The following OPA1 variants were observed in gnomAD, a reference collection of about 807,000 sequenced individuals.
OPA1 encodes the protein OPA1 mitochondrial dynamin like GTPase.
OPA1 carries 59 observed loss-of-function variants against 152.9 expected under a neutral mutation model. The observed-to-expected ratio is 0.39, with a 90% CI of 0.31 to 0.48. The LOEUF is 0.48. Among genes scored for constraint, OPA1 ranks in the 20% least tolerant of loss-of-function variants. The probability of loss-of-function intolerance (pLI) is 0.96; values close to 1 mark genes in which losing one functional copy is unlikely to be tolerated. For synonymous variants in OPA1, 400 were observed against 389.9 expected (o/e 1.03, Z -0.31); for missense variants, 1,008 against 1,216.8 (o/e 0.83, Z 2.55).
At chr3:193,614,702 C>G (rs776455396) in intron 1 of OPA1, 21 bp from the exon 2 acceptor site, 1 of 1,569,444 alleles carries the variant, frequency 6.4e-7, no homozygotes, top group Non-Finnish European at 8.8e-7. Context: ...GATCTTTCTT[C>G]CATATTCATT....
intron 21 of OPA1, among the ~76,000 whole-genome samples, chr3:193,650,721 A>G: frequency 6.6e-6 from 1 of 152,188 alleles, no homozygotes; most frequent in East Asian, 1.9e-4. Context: ...GACATATAAT[A>G]CATTATAGTA....
At chr3:193,655,163 A>G (rs1377171289) in intron 22 of OPA1, 136 bp downstream of exon 22, 2 of 811,904 alleles carry the variant, frequency 2.5e-6, no homozygotes, top group African/African-American at 1.7e-5. Flanking sequence ...TTTATTCCTC[A>G]TCTCTGTTTT....
intron 25 of OPA1, 148 bp from the exon 26 acceptor site, chr3:193,662,674 G>GT (rs747848538): frequency 4.3e-6 from 3 of 703,044 alleles, no homozygotes. Context: ...GGGGTGCTGT[G>GT]TTCTTTCTTG....
intron 4 of OPA1, among the ~76,000 whole-genome samples, 176 bp downstream of exon 4, chr3:193,617,461 G>A (rs1729218742): frequency 6.6e-6 from 1 of 152,130 alleles, no homozygotes; most frequent in Admixed American, 6.5e-5. Flanking sequence ...TTTAATCTTT[G>A]TGTAGCCCAG....
In OPA1 at chr3:193,687,351, A is replaced by T. The variant is rs112218028; in HGVS notation, c.2984-4712A>T. 1.8e-3 allele frequency among the ~76,000 whole-genome samples: 270 copies of T among 152,350 alleles called. 1 individual carries two copies. The highest frequency in any genetic ancestry group is 0.011 in the South Asian group (55 of 4,828). Reference sequence around the variant, plus strand: ...TTTTAAGTAAACATTGGATAAATGGAAAGTAGACTCAGTATTCACTACACG... The same window carrying T: ...TTTTAAGTAAACATTGGATAAATGGTAAGTAGACTCAGTATTCACTACACG... On this transcript the variant is annotated intron_variant, in intron 29 of 30. Transcript: ENST00000361510.
At chr3:193,624,142 A>C (rs1440763311) in intron 6 of OPA1, 3 of 152,444 alleles carry the variant, frequency 2.0e-5, no homozygotes, top group Non-Finnish European at 4.4e-5. Flanking sequence ...AAGCTGTAAA[A>C]AAAAGCATTG....
intron 8 of OPA1, among the ~76,000 whole-genome samples, chr3:193,633,806 A>G (rs1176309477): frequency 6.6e-6 from 1 of 152,240 alleles, no homozygotes. Flanking sequence ...CTTGATAACT[A>G]CATGTGGCTA....
chr3:193,662,732 A>C (rs1459772793), intron 25 of OPA1, 90 bp from the exon 26 acceptor site: 1 of 1,017,708 alleles, frequency 9.8e-7, no homozygotes, highest in East Asian at 2.6e-5. Context: ...TCTTTTATGC[A>C]ATAGTAATGT....
At chr3:193,598,756 A>G (rs1351588922) in intron 1 of OPA1, among the ~76,000 whole-genome samples, 3 of 152,232 alleles carry the variant, frequency 2.0e-5, no homozygotes, top group African/African-American at 4.8e-5. Flanking sequence ...TACAGCTATT[A>G]TGCCATTTTA....
In OPA1 at chr3:193,683,567, C is replaced by T. The variant is rs112064158; in HGVS notation, c.2984-8496C>T. 6.1e-3 allele frequency among the ~76,000 whole-genome samples: 930 copies of T among 152,150 alleles called. 8 individuals are homozygous for T. Among genetic ancestry groups the T allele is most frequent in the African/African-American group, 0.021 (881 of 41,516 alleles). On this transcript the variant is annotated intron_variant, in intron 29 of 30. Transcript: ENST00000361510. ...ATCTTTCATGAAAGGAAGAATCAAT[C>T]AGTGCAGCAAACTACAATTGTTGTC...
intron 29 of OPA1, among the ~76,000 whole-genome samples, chr3:193,690,766 G>C (rs1369960686): frequency 3.3e-5 from 5 of 152,084 alleles, no homozygotes; most frequent in Non-Finnish European, 7.4e-5. Flanking sequence ...ATCTTACATG[G>C]TTTTCCTACA....
At chr3:193,663,559 A>G (rs889106920) in intron 26 of OPA1, among the ~76,000 whole-genome samples, 2 of 152,130 alleles carry the variant, frequency 1.3e-5, no homozygotes, top group African/African-American at 4.8e-5. Context: ...TTTTTTAAAA[A>G]CTACATTCTC....
chr3:193,618,274 C>T (rs966215539), intron 5 of OPA1, among the ~76,000 whole-genome samples: 3 of 151,850 alleles, frequency 2.0e-5, no homozygotes, highest in Admixed American at 6.6e-5. Context: ...GTCAGGAGAT[C>T]GAGACCATCC....
intron 29 of OPA1, among the ~76,000 whole-genome samples, chr3:193,688,718 G>T (rs1444340625): frequency 6.6e-6 from 1 of 151,940 alleles, no homozygotes; most frequent in Non-Finnish European, 1.5e-5. Flanking sequence ...AGTAGCTCAC[G>T]CCCTGTAATT....
chr3:193,603,591 A>G (rs531250073), intron 1 of OPA1: 12 of 152,348 alleles, frequency 7.9e-5, no homozygotes, highest in African/African-American at 2.9e-4. Context: ...TATCATGCCA[A>G]AATCACGTAC....
rs370303596 is a variant in OPA1, at chr3:193,614,715, T to G, written c.33-8T>G. On this transcript the variant is annotated splice_region_variant and splice_polypyrimidine_tract_variant and intron_variant, in intron 1 of 30. Transcript: ENST00000361510. ...CTGATCTTTCTTCCATATTCATTTT[T>G]CTTTCAGTGAGGTCTGCCAGTCTTT... 6.2e-7 allele frequency: 1 copy of G among 1,605,594 alleles called. No individual in the cohort carries two copies.
At chr3:193,686,163 T>TA (rs1720912528) in intron 29 of OPA1, among the ~76,000 whole-genome samples, 1 of 152,204 alleles carries the variant, frequency 6.6e-6, no homozygotes, top group Non-Finnish European at 1.5e-5. Flanking sequence ...AACCACCAGT[T>TA]AGAGTTCCTA....
chr3:193,611,652 C>T (rs1728268607), intron 1 of OPA1, among the ~76,000 whole-genome samples: 1 of 149,714 alleles, frequency 6.7e-6, no homozygotes, highest in Admixed American at 6.6e-5. Context: ...TCAGTCACAT[C>T]TCTAACTTCC....
In OPA1 at chr3:193,648,820, A is replaced by G; in HGVS notation, c.1961A>G (p.Asn654Ser). Residue 654 changes from asparagine to serine, a missense_variant, in exon 21 of 31, where the codon AAT (asparagine) becomes AGT (serine). Asn to Ser is a conservative substitution (Grantham distance 46). Around this residue, in one of 7 missense-constraint regions of OPA1, gnomAD observed 229 missense variants for 269.0 expected, o/e 0.85. Coordinates refer to ENST00000361510, the MANE Select transcript of OPA1 (RefSeq NM_130837.3). ...AATGAACTATTTGAAAAAGCTAAAA[A>G]TGAAATCCTTGATGAAGTTATCAGT... Reference protein sequence around the residue: ...DRNELFEKAKNEILDEVISLS... With the variant: ...DRNELFEKAKSEILDEVISLS... 7 of 1,607,988 alleles carry G rather than the reference A, an allele frequency of 4.4e-6. No individual in the cohort carries two copies. Among genetic ancestry groups the G allele is most frequent in the Non-Finnish European group, 6.0e-6 (7 of 1,174,820 alleles).
Sources: gnomAD v4.1 joint callset for allele counts (sites outside exome capture counted in the v4.1 genomes callset) on GRCh38, gnomAD v4.1.1 for gene constraint, gnomAD v4.1.1 regional missense constraint, MANE v1.5 for transcripts, NCBI Gene and HGNC (gene_info 2026-07-23, HGNC 2026-07-21) for gene names.